DIDO1: variants seen among roughly 807,000 people sequenced by gnomAD.
DIDO1 encodes death-inducer obliterator 1.
Under a neutral mutation model 99.4 loss-of-function variants are expected in DIDO1, and 16 were observed. The observed-to-expected ratio is 0.16, with a 90% CI of 0.11 to 0.24. DIDO1 has a LOEUF of 0.24. Ranked by LOEUF, DIDO1 falls within the 10% of genes least tolerant of loss-of-function variation. The probability of loss-of-function intolerance (pLI) is 1.00; values close to 1 mark genes in which losing one functional copy is unlikely to be tolerated. For synonymous variants in DIDO1, 1,366 were observed against 1,239.1 expected (o/e 1.10, Z -2.15); for missense variants, 2,996 against 3,014.0 (o/e 0.99, Z 0.14).
At chr20:62,891,925 A>C in intron 14 of DIDO1, 62 bp downstream of exon 14, 2 of 1,410,684 alleles carry the variant, frequency 1.4e-6, no homozygotes, top group South Asian at 1.3e-5. Context: ...GAGGTTAAAA[A>C]AAGATGTGTT....
Position 62,890,720 on chromosome 20 carries a change from G to A in DIDO1, c.3541+240C>T, listed in dbSNP as rs566721242. 323 of 1,372,098 alleles carry A rather than the reference G, an allele frequency of 2.4e-4. 2 individuals carry two copies. The highest frequency in any genetic ancestry group is 2.9e-4 in the Non-Finnish European group (311 of 1,060,764). 85.0% of individuals were successfully genotyped at this position (1,372,098 alleles called of 1,614,324 possible). A position where few individuals can be genotyped will look rare whatever the true frequency, so the allele number is the denominator to read the frequency against. ...GGCCAAGATGAGCTGGTTGCAGGCT[G>A]TGGGTTTTTCCCTCTCTAAAAAACT... On this transcript the variant is annotated intron_variant, in intron 15 of 15. Transcript: ENST00000395343.
intron 1 of DIDO1, among the ~76,000 whole-genome samples, chr20:62,922,582 G>A (rs986636040): frequency 6.6e-6 from 1 of 152,156 alleles, no homozygotes; most frequent in Non-Finnish European, 1.5e-5. Context: ...GTGCATCTAA[G>A]GCCTGCACTT....
At chr20:62,917,535 C>T (rs1402152987) in intron 1 of DIDO1, among the ~76,000 whole-genome samples, 1 of 152,132 alleles carries the variant, frequency 6.6e-6, no homozygotes, top group African/African-American at 2.4e-5. Flanking sequence ...GAAAACTGTC[C>T]TCCGTCTGTT....
rs1258423095 is a variant in DIDO1, at chr20:62,888,311, A to G, written c.3541+2649T>C. The G allele has an allele frequency of 3.0e-6, 3 of 985,388 alleles. No homozygotes were observed. The East Asian group carries it at 3.4e-4, about 112-fold the overall frequency. 61.0% of individuals were successfully genotyped at this position (985,388 alleles called of 1,614,324 possible). A position where few individuals can be genotyped will look rare whatever the true frequency, so the allele number is the denominator to read the frequency against. ...TTCTGCGTGAATCTCTACCCCCAAC[A>G]GGACCTTCTCCTTAACATCCCCAGG... On this transcript the variant is annotated intron_variant, in intron 15 of 15. Transcript: ENST00000395343.
chr20:62,896,549 T>C lies in DIDO1; in HGVS notation c.2036A>G (p.Lys679Arg), dbSNP rs1184000093. ...QIRQNIRRSL[K>R]EILWKRVNDS... ...AGCCCACCTTTTCCACAAAATCTCT[T>C]TTAAGGAGCGTCTGATATTTTGCCG... is the stretch of plus-strand genomic sequence containing the variant. Residue 679 changes from lysine to arginine, a missense_variant, in exon 7 of 16, where the codon AAA becomes AGA. Physicochemically the swap from Lys to Arg is conservative, Grantham distance 26. Coordinates refer to ENST00000395343, the MANE Select transcript of DIDO1 (RefSeq NM_001193369.2). This position sits in a 1 kb window ranked among gnomAD's most constrained non-coding sequence, Gnocchi z 4.4. 1 of 1,589,434 alleles carries C rather than the reference T, an allele frequency of 6.3e-7. No individual in the cohort carries two copies. The highest frequency in any genetic ancestry group is 1.1e-5 in the South Asian group (1 of 87,586).
chr20:62,903,005 C>T (rs1485435969), intron 6 of DIDO1, among the ~76,000 whole-genome samples: 1 of 151,984 alleles, frequency 6.6e-6, no homozygotes. Flanking sequence ...TTCCAACTGA[C>T]TTCATGCCTC....
rs2064827756 is a variant in DIDO1 at position 62,907,246 on chromosome 20, T to C, written c.1275A>G (p.Thr425=). 6.2e-7 allele frequency: 1 copy of C among 1,614,132 alleles called. No individual in the cohort carries two copies. The highest frequency in any genetic ancestry group is 1.1e-5 in the South Asian group (1 of 91,086). The change falls in exon 5 of 16, where the codon ACA becomes ACG. Residue 425 remains threonine, a synonymous_variant. Transcript: ENST00000395343. ...NDCILKHAAA[T]MKFLSSGKEQ... ...CTTTACCTGAGCTTAGAAACTTCATTGTCGCTGCGGCGTGTTTGAGGATAC... is the reference window on the plus strand; with the variant it reads ...CTTTACCTGAGCTTAGAAACTTCATCGTCGCTGCGGCGTGTTTGAGGATAC...
Position 62,896,119 on chromosome 20 carries a change from G to A in DIDO1, c.2214+114C>T. 2 of 1,174,612 alleles carry A rather than the reference G, an allele frequency of 1.7e-6. No individual in the cohort carries two copies. The highest frequency in any genetic ancestry group is 1.2e-6 in the Non-Finnish European group (1 of 834,436). The allele number at this position is 1,174,612 out of a possible 1,614,324, so 72.8% of individuals were successfully genotyped here. ...CGGCAGAAGGATCACAGAGGAGAAAGAAACGTCTTAGCTTTCCTGGAAAGG... is the reference window on the plus strand; with the variant it reads ...CGGCAGAAGGATCACAGAGGAGAAAAAAACGTCTTAGCTTTCCTGGAAAGG... On this transcript the variant is annotated intron_variant, in intron 8 of 15. Transcript: ENST00000395343. The surrounding 1 kb of genome is among the most constrained non-coding windows in gnomAD (Gnocchi z 4.4).
In DIDO1 at chr20:62,882,137, T is replaced by C. The variant is rs529917155; in HGVS notation, c.3819A>G (p.Leu1273=). Reference sequence around the variant, plus strand: ...CAGGTTTGAGGGATGACAGCACTTTTAGCACCGGTGGTTCTGGAAGAGGGG... The same window carrying C: ...CAGGTTTGAGGGATGACAGCACTTTCAGCACCGGTGGTTCTGGAAGAGGGG... The part of the protein sequence containing the change: ...PPPPLPEPPV[L]KVLSSLKPAA... Residue 1273 remains leucine, a synonymous_variant, in exon 16 of 16, where the codon CTA becomes CTG. Transcript: ENST00000395343. 26 of 1,613,104 alleles carry C rather than the reference T, an allele frequency of 1.6e-5. No homozygotes were observed. The highest frequency in any genetic ancestry group is 2.0e-5 in the Non-Finnish European group (24 of 1,180,032).
chr20:62,921,953 G>C (rs2065148218), intron 1 of DIDO1, among the ~76,000 whole-genome samples: 1 of 145,860 alleles, frequency 6.9e-6, no homozygotes, highest in Admixed American at 6.9e-5. Flanking sequence ...CACTATATAT[G>C]TCCACAATAT....
At chr20:62,901,235 C>T (rs1410318196) in intron 6 of DIDO1, among the ~76,000 whole-genome samples, 2 of 152,226 alleles carry the variant, frequency 1.3e-5, no homozygotes, top group Admixed American at 1.3e-4. Flanking sequence ...CACAGCTAGA[C>T]TGCCGTGTTT....
upstream of DIDO1, among the ~76,000 whole-genome samples, chr20:62,928,066 C>A (rs1242766366): frequency 2.6e-5 from 4 of 152,194 alleles, no homozygotes; most frequent in East Asian, 7.7e-4. Context: ...CTACAAGAGG[C>A]TCTCTCTAAA....
intron 4 of DIDO1, 48 bp downstream of exon 4, chr20:62,909,651 C>T (rs773337933): frequency 1.4e-5 from 22 of 1,594,976 alleles, no homozygotes; most frequent in Non-Finnish European, 1.9e-5. Flanking sequence ...GAGACTGAAA[C>T]CAGTGAGGCC....
intron 1 of DIDO1, among the ~76,000 whole-genome samples, chr20:62,922,638 A>G (rs542247368): frequency 6.6e-6 from 1 of 152,274 alleles, no homozygotes; most frequent in East Asian, 1.9e-4. Context: ...AGCTTCCTAC[A>G]AGGTTTTCTG....
intron 1 of DIDO1, among the ~76,000 whole-genome samples, chr20:62,915,847 T>C (rs575477943): frequency 6.6e-6 from 1 of 152,170 alleles, no homozygotes; most frequent in African/African-American, 2.4e-5. Context: ...GAACGAAAAC[T>C]GATTTTTAAA....
At position 62,923,434 on chromosome 20, in the gene DIDO1, A is replaced by C. The variant is rs2065193678; in HGVS notation, c.-200+3005T>G. 2.6e-5 allele frequency among the ~76,000 whole-genome samples: 4 copies of C among 152,180 alleles called. No homozygotes were observed. In the South Asian group the frequency reaches 8.3e-4, roughly 32 times the overall value. On this transcript the variant is annotated intron_variant, in intron 1 of 15. Transcript: ENST00000395343. ...AGTGATCCACCCATCTTGGCCTCCC[A>C]AAGTGCTGGGATTCCAGGCACGACC...
rs2064161173 is a variant in DIDO1, at chr20:62,879,601, G to A, written c.6355C>T (p.Arg2119Cys). 1.9e-6 allele frequency: 3 copies of A among 1,603,696 alleles called. No individual in the cohort carries two copies. The highest frequency in any genetic ancestry group is 2.2e-5 in the South Asian group (2 of 91,052). The change falls in exon 16 of 16, where the codon CGC (arginine) becomes TGC (cysteine). Residue 2119 changes from arginine to cysteine, a missense_variant. Arg to Cys is a radical substitution (Grantham distance 180, BLOSUM62 -3). Coordinates refer to ENST00000395343, the MANE Select transcript of DIDO1 (RefSeq NM_001193369.2). This position sits in a 1 kb window ranked among gnomAD's most constrained non-coding sequence, Gnocchi z 6.3. Reference protein sequence around the residue: ...ASEDRRRERERGRNWSRERDW... With the variant: ...ASEDRRRERECGRNWSRERDW... ...CGCTCTCGGCTCCAGTTTCGGCCGC[G>A]CTCGCGCTCTCTCCTCCTGTCCTCG... is the stretch of plus-strand genomic sequence containing the variant.
rs1208860059 is a variant in DIDO1, at chr20:62,892,836, G to C, written c.3228C>G (p.Val1076=). The C allele has an allele frequency of 1.2e-6, 2 of 1,613,932 alleles. No individual in the cohort carries two copies. Among genetic ancestry groups the C allele is most frequent in the South Asian group, 2.2e-5 (2 of 91,086 alleles). ...VAKFVTKAYP[V]SGCFDYLSED... ...CACTGAGGTAATCAAAACACCCAGAGACAGGATACGCCTTAGTGACAAATT... is the reference window on the plus strand; with the variant it reads ...CACTGAGGTAATCAAAACACCCAGACACAGGATACGCCTTAGTGACAAATT... The change falls in exon 13 of 16, where the codon GTC becomes GTG. Residue 1076 remains valine (V), a synonymous_variant. Coordinates refer to ENST00000395343, the MANE Select transcript of DIDO1 (RefSeq NM_001193369.2).
chr20:62,930,387 T>C (rs754845891), upstream of DIDO1, among the ~76,000 whole-genome samples: 13 of 152,092 alleles, frequency 8.5e-5, no homozygotes, highest in African/African-American at 2.7e-4. Context: ...GCATGGACGA[T>C]AGTGGGTAAC....
Sources: gnomAD v4.1 joint callset for allele counts (sites outside exome capture counted in the v4.1 genomes callset) on GRCh38, gnomAD v4.1.1 for gene constraint, Gnocchi (gnomAD v3.1) non-coding constraint, MANE v1.5 for transcripts, NCBI Gene and HGNC (gene_info 2026-07-23, HGNC 2026-07-21) for gene names.